The following SAMD3 variants were observed in gnomAD, a reference collection of about 807,000 sequenced individuals.
SAMD3 encodes sterile alpha motif domain containing 3, also known as sterile alpha motif domain-containing protein 3.
A neutral mutation model predicts 58.5 loss-of-function variants in SAMD3; 63 were observed. That is an observed-to-expected ratio of 1.08 (90% CI 0.88 to 1.33). The LOEUF (loss-of-function observed/expected upper bound fraction) is 1.33, where lower values mean the gene tolerates loss of function less well. Ranked by LOEUF, SAMD3 falls within the 40% of genes most tolerant of loss-of-function variation. SAMD3 has a pLI of 0.00. For synonymous variants in SAMD3, 220 were observed against 210.3 expected, an observed-to-expected ratio of 1.05 and a Z score of -0.40; for missense variants, 604 against 608.4, an observed-to-expected ratio of 0.99 and a Z score of 0.08.
At chr6:130,204,396 A>G (rs1313859013) in intron 5 of SAMD3, among the ~76,000 whole-genome samples, 1 of 152,146 alleles carries the variant, frequency 6.6e-6, no homozygotes, top group Non-Finnish European at 1.5e-5. Flanking sequence ...TAAAGAGCAC[A>G]GTATCTTCAT....
chr6:130,298,351 C>T (rs187186560), intron 2 of SAMD3, among the ~76,000 whole-genome samples: 2 of 152,162 alleles, frequency 1.3e-5, no homozygotes, highest in Admixed American at 1.3e-4. Flanking sequence ...TTTGTCATTA[C>T]CAGATCAGTC....
chr6:130,340,276 G>A (rs1194121200), intron 1 of SAMD3, among the ~76,000 whole-genome samples: 1 of 152,200 alleles, frequency 6.6e-6, no homozygotes, highest in Non-Finnish European at 1.5e-5. Flanking sequence ...CCTTCTTGAG[G>A]CTCTAGGGGA....
At chr6:130,281,913 T>G (rs1774994993) in intron 2 of SAMD3, among the ~76,000 whole-genome samples, 1 of 152,096 alleles carries the variant, frequency 6.6e-6, no homozygotes, top group African/African-American at 2.4e-5. Flanking sequence ...CATGTTAAGC[T>G]TATGCGCCAG....
chr6:130,246,206 CAT>C (rs1340637115), intron 2 of SAMD3, among the ~76,000 whole-genome samples: 21 of 152,086 alleles, frequency 1.4e-4, no homozygotes, highest in African/African-American at 5.1e-4. Context: ...GACATACAAA[CAT>C]ATGAAAAATA....
intron 5 of SAMD3, among the ~76,000 whole-genome samples, chr6:130,192,612 C>T (rs1298098086): frequency 6.6e-6 from 1 of 151,988 alleles, no homozygotes; most frequent in Admixed American, 6.6e-5. Flanking sequence ...CCTTCGCTGA[C>T]TCTCTTTTTG....
At chr6:130,231,951 C>T (rs1381386466) in intron 2 of SAMD3, among the ~76,000 whole-genome samples, 1 of 152,096 alleles carries the variant, frequency 6.6e-6, no homozygotes, top group African/African-American at 2.4e-5. Context: ...TAGCTCCTAC[C>T]TCATGGTTAC....
intron 1 of SAMD3, among the ~76,000 whole-genome samples, chr6:130,335,083 C>A (rs116313902): frequency 6.6e-6 from 1 of 152,192 alleles, no homozygotes; most frequent in Non-Finnish European, 1.5e-5. Context: ...GTTAGGCTCC[C>A]AGCCGCTATT....
At chr6:130,300,583 A>C (rs1204662807) in intron 2 of SAMD3, among the ~76,000 whole-genome samples, 2 of 152,218 alleles carry the variant, frequency 1.3e-5, no homozygotes, top group Non-Finnish European at 2.9e-5. Context: ...ATGGATGCCC[A>C]CTTGTACCAC....
chr6:130,251,238 G>A (rs919932670), intron 2 of SAMD3, among the ~76,000 whole-genome samples: 2 of 152,104 alleles, frequency 1.3e-5, no homozygotes, highest in African/African-American at 2.4e-5. Context: ...TTGGAGAAAT[G>A]TCTGTTTAAA....
At chr6:130,303,914 GT>G (rs1775830214) in intron 2 of SAMD3, among the ~76,000 whole-genome samples, 3 of 151,788 alleles carry the variant, frequency 2.0e-5, no homozygotes, top group Admixed American at 6.6e-5. Flanking sequence ...TTTTTATTAT[GT>G]TTTGATTAAC....
intron 9 of SAMD3, among the ~76,000 whole-genome samples, chr6:130,150,382 T>C (rs1789043332): frequency 6.6e-6 from 1 of 152,158 alleles, no homozygotes; most frequent in Admixed American, 6.5e-5. Context: ...CCAGAATTCA[T>C]GGGTCCAGGA....
At chr6:130,249,022 T>C (rs1773650884) in intron 2 of SAMD3, among the ~76,000 whole-genome samples, 1 of 152,188 alleles carries the variant, frequency 6.6e-6, no homozygotes, top group Non-Finnish European at 1.5e-5. Context: ...ATCCATGAGA[T>C]AATCATTTGG....
chr6:130,221,173 T>C (rs1010571842), intron 1 of SAMD3, among the ~76,000 whole-genome samples: 24 of 152,164 alleles, frequency 1.6e-4, no homozygotes, highest in African/African-American at 5.8e-4. Context: ...ATCTTTAAAA[T>C]TGGTGACAAA....
chr6:130,157,540 C>T (rs369864144), intron 8 of SAMD3, among the ~76,000 whole-genome samples: 143 of 152,298 alleles, frequency 9.4e-4, no homozygotes, highest in Admixed American at 2.4e-3. Flanking sequence ...GTTGCCCAGG[C>T]TGGTCTTGAA....
chr6:130,215,600 G>T, intron 2 of SAMD3: 5 of 1,362,182 alleles, frequency 3.7e-6, no homozygotes, highest in Non-Finnish European at 3.8e-6. Flanking sequence ...ACATACAATG[G>T]TACCCAATCC....
chr6:130,216,233 A>T (rs911857163), intron 2 of SAMD3, among the ~76,000 whole-genome samples: 8 of 144,872 alleles, frequency 5.5e-5, no homozygotes, highest in Non-Finnish European at 9.1e-5. Flanking sequence ...AGGACCTCTG[A>T]TGGACTTGGA....
chr6:130,321,271 A>G (rs192167623), intron 1 of SAMD3, among the ~76,000 whole-genome samples: 4 of 152,136 alleles, frequency 2.6e-5, no homozygotes, highest in African/African-American at 9.7e-5. Flanking sequence ...CAAGAAACTG[A>G]TATCTGTGAT....
intron 1 of SAMD3, among the ~76,000 whole-genome samples, chr6:130,327,821 C>T (rs551161748): frequency 6.6e-6 from 1 of 152,248 alleles, no homozygotes; most frequent in African/African-American, 2.4e-5. Context: ...GAAGTGACTA[C>T]AATACCCATA....
At chr6:130,284,487 A>G (rs187570357) in intron 2 of SAMD3, among the ~76,000 whole-genome samples, 1 of 152,288 alleles carries the variant, frequency 6.6e-6, no homozygotes, top group Admixed American at 6.5e-5. Context: ...AAAGAGAGAG[A>G]GAGGGAGAGA....
Sources: allele counts gnomAD v4.1 joint callset (sites outside exome capture counted in the v4.1 genomes callset), GRCh38; gene constraint gnomAD v4.1.1; transcripts MANE v1.5; gene names NCBI Gene and HGNC (gene_info 2026-07-23, HGNC 2026-07-21).